The following SLC4A1AP variants were observed in gnomAD, a reference collection of about 807,000 sequenced individuals.
The protein encoded by SLC4A1AP is solute carrier family 4 member 1 adaptor protein.
A neutral mutation model predicts 89.7 loss-of-function variants in SLC4A1AP; 64 were observed. The observed-to-expected ratio is 0.71, with a 90% confidence interval of 0.58 to 0.88. The LOEUF (loss-of-function observed/expected upper bound fraction) is 0.88. Among genes scored for constraint, SLC4A1AP ranks in the 40% least tolerant of loss-of-function variants. The probability of loss-of-function intolerance (pLI) is 0.00; values close to 1 mark genes in which losing one functional copy is unlikely to be tolerated. For missense variants in SLC4A1AP, 931 were observed against 965.0 expected, an observed-to-expected ratio of 0.96 and a Z score of 0.47; for synonymous variants, 366 against 353.3, an observed-to-expected ratio of 1.04 and a Z score of -0.40.
exon 13 of SLC4A1AP, chr2:27,693,694 A>G: frequency 6.2e-7 from 1 of 1,606,680 alleles, no homozygotes; most frequent in Non-Finnish European, 8.5e-7. Context: ...GCTTCCACCA[A>G]CACTTTCTTC....
chr2:27,682,077 C>CAG lies in SLC4A1AP; in HGVS notation c.1764-171_1764-170insAG, dbSNP rs762342035. Among the ~76,000 whole-genome samples the CAG allele has an allele frequency of 5.5e-3, 844 of 152,264 alleles. 5 individuals carry two copies. Among genetic ancestry groups the CAG allele is most frequent in the Admixed American group, 6.8e-3 (104 of 15,284 alleles). Reference sequence around the variant, plus strand: ...CTGTGACAGTCAGCATTGTTCTTGTCCATTCAAAATCTGTTGGTCTGAATA... The same window carrying CAG: ...CTGTGACAGTCAGCATTGTTCTTGTCAGCATTCAAAATCTGTTGGTCTGAATA... On this transcript the variant is annotated intron_variant, in intron 8 of 13. Transcript: ENST00000613058.
Position 27,693,759 on chromosome 2 carries a change from A to G in SLC4A1AP, c.2341+5A>G. ...GTGTGTGGGTCCCACCTGAAGGTAGATTGTTTTTACTTTTTTTTCCTCTAA... is the reference window on the plus strand; with the variant it reads ...GTGTGTGGGTCCCACCTGAAGGTAGGTTGTTTTTACTTTTTTTTCCTCTAA... On this transcript the variant is annotated splice_donor_5th_base_variant and intron_variant, in intron 13 of 13. Transcript: ENST00000613058. 1 of 1,606,190 alleles carries G rather than the reference A, an allele frequency of 6.2e-7. No homozygotes were observed. The highest frequency in any genetic ancestry group is 8.5e-7 in the Non-Finnish European group (1 of 1,176,720).
intron 9 of SLC4A1AP, among the ~76,000 whole-genome samples, chr2:27,683,536 A>G (rs977303292): frequency 6.6e-6 from 1 of 152,136 alleles, no homozygotes; most frequent in African/African-American, 2.4e-5. Context: ...TTCTAAGGAC[A>G]TGAGTCATAC....
intron 10 of SLC4A1AP, 54 bp from the exon 11 acceptor site, chr2:27,687,880 G>C (rs952577119): frequency 4.3e-6 from 6 of 1,403,104 alleles, no homozygotes; most frequent in Non-Finnish European, 5.0e-6. Flanking sequence ...TGTTTGTTTG[G>C]CTTTCCACCA....
chr2:27,682,455 C>T, intron 9 of SLC4A1AP, 96 bp downstream of exon 9: 1 of 692,436 alleles, frequency 1.4e-6, no homozygotes, highest in South Asian at 1.8e-5. Context: ...TGACTCATTC[C>T]ATAGTAATGT....
rs757593323 is a variant in SLC4A1AP at position 27,669,214 on chromosome 2, A to G, written c.1206-34A>G. ...TTGTTTTCTTGAGAATTGGAGCTTA[A>G]TGCTGTGCTATAATTCCCACCAAAT... On this transcript the variant is annotated intron_variant, in intron 4 of 13. Transcript: ENST00000613058. 2.2e-5 allele frequency: 34 copies of G among 1,575,886 alleles called. No individual in the cohort carries two copies. The Middle Eastern group carries it at 3.2e-3, about 150-fold the overall frequency.
chr2:27,674,156 A>G (rs1161887823), intron 5 of SLC4A1AP, among the ~76,000 whole-genome samples: 1 of 152,138 alleles, frequency 6.6e-6, no homozygotes, highest in Non-Finnish European at 1.5e-5. Flanking sequence ...ACCTCATTGT[A>G]AAGAGAGCCT....
At chr2:27,668,385 C>T (rs1041845951) in intron 3 of SLC4A1AP, among the ~76,000 whole-genome samples, 21 of 152,108 alleles carry the variant, frequency 1.4e-4, no homozygotes, top group African/African-American at 4.3e-4. Flanking sequence ...CTCCTGACCT[C>T]GTGATCCTCC....
intron 10 of SLC4A1AP, among the ~76,000 whole-genome samples, chr2:27,686,083 TAAG>T (rs1016596876): frequency 1.3e-5 from 2 of 151,906 alleles, no homozygotes; most frequent in Non-Finnish European, 2.9e-5. Flanking sequence ...TCTCAGAAAA[TAAG>T]GAGTATGAGG....
chr2:27,674,783 C>T (rs1675489354), intron 5 of SLC4A1AP, among the ~76,000 whole-genome samples: 1 of 149,616 alleles, frequency 6.7e-6, no homozygotes, highest in Non-Finnish European at 1.5e-5. Flanking sequence ...GCTTTCTCGG[C>T]TCACTGCAAC....
chr2:27,666,562 C>G (rs1270765439), intron 2 of SLC4A1AP, among the ~76,000 whole-genome samples: 19 of 151,934 alleles, frequency 1.3e-4, no homozygotes, highest in Admixed American at 1.2e-3. Flanking sequence ...GTAGACCAGT[C>G]TATTTGGCAG....
At chr2:27,669,642 C>G (rs1675389249) in intron 5 of SLC4A1AP, among the ~76,000 whole-genome samples, 1 of 151,218 alleles carries the variant, frequency 6.6e-6, no homozygotes, top group Non-Finnish European at 1.5e-5. Context: ...ATATTAATTA[C>G]AATCTTTTGT....
chr2:27,677,356 C>T, exon 7 of SLC4A1AP: 1 of 1,611,776 alleles, frequency 6.2e-7, no homozygotes, highest in Non-Finnish European at 8.5e-7. Flanking sequence ...TTGAAAGCCT[C>T]AAGCCAAGGT....
chr2:27,691,843 G>C (rs1156693352), intron 12 of SLC4A1AP: 1 of 152,136 alleles, frequency 6.6e-6, no homozygotes, highest in Non-Finnish European at 1.5e-5. Context: ...GCCCACCCCA[G>C]CCTCTCAAAG....
intron 2 of SLC4A1AP, among the ~76,000 whole-genome samples, chr2:27,665,953 A>G (rs866734636): frequency 2.0e-5 from 3 of 152,240 alleles, no homozygotes; most frequent in Admixed American, 6.5e-5. Flanking sequence ...AAGAGAGAAC[A>G]GTCACTGGGG....
exon 1 of SLC4A1AP, chr2:27,664,208 C>T (rs1282930908): frequency 6.2e-7 from 1 of 1,614,026 alleles, no homozygotes; most frequent in Non-Finnish European, 8.5e-7. Flanking sequence ...CCCGGGCTCC[C>T]CCCTACCAAG....
intron 10 of SLC4A1AP, among the ~76,000 whole-genome samples, chr2:27,686,874 T>C (rs76566403): frequency 0.014 from 2,145 of 152,324 alleles, 27 homozygotes; most frequent in African/African-American, 0.031. Flanking sequence ...TACTTTAATA[T>C]TTACTTTTAT....
chr2:27,684,738 C>A lies in SLC4A1AP; in HGVS notation c.1876-299C>A, dbSNP rs1675676408. 2.0e-5 allele frequency among the ~76,000 whole-genome samples: 3 copies of A among 152,160 alleles called. No homozygotes were observed. The South Asian group carries it at 6.2e-4, about 31-fold the overall frequency. ...AATCCTTTAATATCATGAGTTATAACAGTCCAGAATTCCTGTAGCTGGCAC... is the reference window on the plus strand; with the variant it reads ...AATCCTTTAATATCATGAGTTATAAAAGTCCAGAATTCCTGTAGCTGGCAC... On this transcript the variant is annotated intron_variant, in intron 9 of 13. Transcript: ENST00000613058.
At chr2:27,675,731 G>T in intron 6 of SLC4A1AP, 39 bp downstream of exon 6, 2 of 1,385,842 alleles carry the variant, frequency 1.4e-6, no homozygotes, top group South Asian at 3.2e-5. Context: ...GTATTTAATA[G>T]TTTAATTTTT....
Sources: allele counts gnomAD v4.1 joint callset (sites outside exome capture counted in the v4.1 genomes callset), GRCh38; gene constraint gnomAD v4.1.1; transcripts MANE v1.5; gene names NCBI Gene and HGNC (gene_info 2026-07-23, HGNC 2026-07-21).